The following GALNTL6 variants were observed in gnomAD, a reference collection of about 807,000 sequenced individuals.
GALNTL6 encodes the protein polypeptide N-acetylgalactosaminyltransferase-like 6.
Under a neutral mutation model 73.7 loss-of-function variants are expected in GALNTL6, and 46 were observed. The ratio of observed to expected loss-of-function variants is 0.62; its 90% CI spans 0.49 to 0.80. The LOEUF is 0.80. Ranked by LOEUF, GALNTL6 falls within the 30% of genes least tolerant of loss-of-function variation. The pLI is 0.00. For missense variants in GALNTL6, 604 were observed against 755.0 expected (o/e 0.80, Z 2.34); for synonymous variants, 259 against 263.7 (o/e 0.98, Z 0.17).
chr4:172,648,123 C>G (rs745563166), intron 5 of GALNTL6, among the ~76,000 whole-genome samples: 4 of 152,050 alleles, frequency 2.6e-5, no homozygotes, highest in Admixed American at 2.0e-4. Context: ...ATTGGTTGAC[C>G]TTTAGCTGTG....
At chr4:172,219,199 G>GTGTATATATATATATATATATATA (rs1310041553) in intron 2 of GALNTL6, among the ~76,000 whole-genome samples, 4 of 116,204 alleles carry the variant, frequency 3.4e-5, no homozygotes, top group Non-Finnish European at 5.4e-5. Context: ...TTAAGCAAGT[G>GTGTATATATATATATATATATATA]TATATATATA....
intron 8 of GALNTL6, among the ~76,000 whole-genome samples, chr4:172,893,453 T>C (rs968801106): frequency 1.3e-5 from 2 of 152,082 alleles, no homozygotes; most frequent in South Asian, 4.1e-4. Flanking sequence ...TACAGTTTTG[T>C]CTGCTGACCC....
rs142571154 is a variant in GALNTL6, at chr4:171,912,664, CT to C, written c.138+97950del. 8.4e-3 allele frequency among the ~76,000 whole-genome samples: 1,285 copies of C among 152,182 alleles called. 19 individuals are homozygous for C. The highest frequency in any genetic ancestry group is 0.029 in the African/African-American group (1,222 of 41,544). ...ACTAGCTTAATCCTTCTAACTGGTT[CT>C]TTTACCTGGTCCCCAACTTTTCTTC... is the stretch of plus-strand genomic sequence containing the variant. On this transcript the variant is annotated intron_variant, in intron 2 of 12. Coordinates refer to ENST00000506823, the MANE Select transcript of GALNTL6 (RefSeq NM_001034845.3).
chr4:172,442,863 A>G (rs1341108843), intron 5 of GALNTL6, among the ~76,000 whole-genome samples: 4 of 151,954 alleles, frequency 2.6e-5, no homozygotes, highest in African/African-American at 7.2e-5. Flanking sequence ...TTAATGAGAG[A>G]AAAAAATACC....
At chr4:172,928,244 A>G (rs1748161526) in intron 8 of GALNTL6, among the ~76,000 whole-genome samples, 1 of 152,208 alleles carries the variant, frequency 6.6e-6, no homozygotes. Flanking sequence ...ATCTATAGAT[A>G]CAATATCAAT....
At chr4:172,073,244 T>C (rs1560910825) in intron 2 of GALNTL6, among the ~76,000 whole-genome samples, 1 of 152,184 alleles carries the variant, frequency 6.6e-6, no homozygotes, top group Non-Finnish European at 1.5e-5. Context: ...TAAATATTAA[T>C]AATAAAAGCT....
At chr4:172,395,455 AT>A (rs1262167540) in intron 5 of GALNTL6, among the ~76,000 whole-genome samples, 1 of 152,070 alleles carries the variant, frequency 6.6e-6, no homozygotes, top group Non-Finnish European at 1.5e-5. Context: ...TAATATTTTT[AT>A]TGTTGTTACC....
chr4:172,175,287 A>G (rs1331167513), intron 2 of GALNTL6, among the ~76,000 whole-genome samples: 1 of 152,076 alleles, frequency 6.6e-6, no homozygotes, highest in Non-Finnish European at 1.5e-5. Flanking sequence ...ACTAGTCTCA[A>G]ACTCCTGAAC....
rs140076917 is a variant in GALNTL6, at chr4:172,226,319, C to A, written c.139-3337C>A. Among the ~76,000 whole-genome samples the A allele has an allele frequency of 6.8e-4, 104 of 152,286 alleles. No homozygotes were observed. The East Asian group carries it at 0.017, about 25-fold the overall frequency. Reference sequence around the variant, plus strand: ...AACTGTCTTATTCCAGTCTTTCCCTCAACCTCCAGTATACTTATGTTAGTT... The same window carrying A: ...AACTGTCTTATTCCAGTCTTTCCCTAAACCTCCAGTATACTTATGTTAGTT... On this transcript the variant is annotated intron_variant, in intron 2 of 12. Coordinates refer to ENST00000506823, the MANE Select transcript of GALNTL6 (RefSeq NM_001034845.3).
intron 2 of GALNTL6, among the ~76,000 whole-genome samples, chr4:172,050,091 G>T (rs1246931838): frequency 6.6e-6 from 1 of 152,082 alleles, no homozygotes; most frequent in African/African-American, 2.4e-5. Context: ...TCATTTTCTG[G>T]CTGGCAGGCT....
At chr4:172,899,876 C>T (rs1037068312) in intron 8 of GALNTL6, among the ~76,000 whole-genome samples, 8 of 152,132 alleles carry the variant, frequency 5.3e-5, no homozygotes, top group Admixed American at 3.3e-4. Flanking sequence ...CATTTGTAAA[C>T]TGTCATGGCA....
intron 2 of GALNTL6, among the ~76,000 whole-genome samples, chr4:172,063,094 A>G (rs68068922): frequency 0.083 from 12,648 of 152,068 alleles, 906 homozygotes; most frequent in African/African-American, 0.19. Context: ...ATTTCATCTC[A>G]TTTCCCTCTG....
At chr4:172,554,597 G>A (rs1297671840) in intron 5 of GALNTL6, among the ~76,000 whole-genome samples, 3 of 152,150 alleles carry the variant, frequency 2.0e-5, no homozygotes, top group African/African-American at 7.2e-5. Context: ...CCACTAGAAA[G>A]AGTTACTTTT....
At chr4:172,422,565 C>T (rs1442173622) in intron 5 of GALNTL6, among the ~76,000 whole-genome samples, 1 of 151,928 alleles carries the variant, frequency 6.6e-6, no homozygotes, top group African/African-American at 2.4e-5. Context: ...TGTAGCTTCA[C>T]TTAGTCCCTT....
chr4:171,888,544 A>C (rs1287626960), intron 2 of GALNTL6, among the ~76,000 whole-genome samples: 1 of 151,966 alleles, frequency 6.6e-6, no homozygotes, highest in Non-Finnish European at 1.5e-5. Context: ...GGTTGACTGA[A>C]TCCTCAAGTC....
intron 8 of GALNTL6, among the ~76,000 whole-genome samples, chr4:172,887,092 T>G (rs1745762492): frequency 6.6e-6 from 1 of 152,242 alleles, no homozygotes; most frequent in South Asian, 2.1e-4. Flanking sequence ...TATTTGATTT[T>G]CTGTTACTGC....
chr4:171,874,695 C>T (rs1288905798), intron 2 of GALNTL6, among the ~76,000 whole-genome samples: 2 of 152,072 alleles, frequency 1.3e-5, no homozygotes, highest in Non-Finnish European at 2.9e-5. Flanking sequence ...TGTCCTAGAA[C>T]GAAAGGAGCT....
intron 5 of GALNTL6, among the ~76,000 whole-genome samples, chr4:172,609,514 C>G (rs911046422): frequency 1.8e-4 from 28 of 151,784 alleles, no homozygotes; most frequent in Non-Finnish European, 4.4e-5. Context: ...GGCGCAGAAG[C>G]CTTTTGATGT....
chr4:172,715,268 G>A (rs1444486235), intron 5 of GALNTL6, among the ~76,000 whole-genome samples: 2 of 152,224 alleles, frequency 1.3e-5, no homozygotes. Flanking sequence ...GGCAGGGTGT[G>A]TGTGGGGATG....
Sources: gnomAD v4.1 joint callset for allele counts (sites outside exome capture counted in the v4.1 genomes callset) on GRCh38, gnomAD v4.1.1 for gene constraint, MANE v1.5 for transcripts, NCBI Gene and HGNC (gene_info 2026-07-23, HGNC 2026-07-21) for gene names.